Variants in SPOCK3 observed in about 807,000 individuals in gnomAD.
The protein encoded by SPOCK3 is testican-3.
SPOCK3 carries 30 observed loss-of-function variants against 56.6 expected under a neutral mutation model. That is an observed-to-expected ratio of 0.53 (90% confidence interval 0.40 to 0.72). The LOEUF is 0.72. SPOCK3 is among the 30% of genes least tolerant of loss of function. The pLI is 0.00. For synonymous variants in SPOCK3, 196 were observed against 183.3 expected, an observed-to-expected ratio of 1.07 and a Z score of -0.56; for missense variants, 527 against 530.0, an observed-to-expected ratio of 0.99 and a Z score of 0.06.
intron 2 of SPOCK3, among the ~76,000 whole-genome samples, chr4:167,126,765 C>G (rs562989292): frequency 6.6e-6 from 1 of 152,104 alleles, no homozygotes; most frequent in Non-Finnish European, 1.5e-5. Flanking sequence ...AAACCACATA[C>G]GCAGTAACAC....
intron 2 of SPOCK3, among the ~76,000 whole-genome samples, chr4:167,100,071 T>G (rs1759502639): frequency 6.6e-6 from 1 of 152,186 alleles, no homozygotes; most frequent in African/African-American, 2.4e-5. Flanking sequence ...CTTGGATCAC[T>G]AAGACATGTC....
intron 6 of SPOCK3, among the ~76,000 whole-genome samples, chr4:166,872,918 C>T (rs560673951): frequency 4.6e-5 from 7 of 152,090 alleles, no homozygotes; most frequent in South Asian, 4.2e-4. Context: ...ATGTGTAAAG[C>T]GATCACCTGG....
At chr4:167,109,428 TATG>T (rs1240071291) in intron 2 of SPOCK3, among the ~76,000 whole-genome samples, 49 of 102,930 alleles carry the variant, frequency 4.8e-4, no homozygotes, top group African/African-American at 1.9e-3. Flanking sequence ...TAAATATATA[TATG>T]ATAAATATAT....
chr4:166,981,298 G>A (rs1220112223), intron 4 of SPOCK3, among the ~76,000 whole-genome samples: 1 of 152,004 alleles, frequency 6.6e-6, no homozygotes, highest in African/African-American at 2.4e-5. Context: ...GAGAATGGAA[G>A]CTCCTATCCA....
chr4:166,850,198 T>C (rs957414250), intron 6 of SPOCK3, among the ~76,000 whole-genome samples: 1 of 152,214 alleles, frequency 6.6e-6, no homozygotes, highest in Non-Finnish European at 1.5e-5. Flanking sequence ...TACATTCCCA[T>C]CAACTGTACA....
intron 8 of SPOCK3, among the ~76,000 whole-genome samples, chr4:166,752,420 T>C (rs1736493119): frequency 1.3e-5 from 2 of 152,208 alleles, no homozygotes; most frequent in South Asian, 4.2e-4. Flanking sequence ...TCCAGTTGTT[T>C]TTCCACACTA....
chr4:166,890,972 C>G (rs899807793), intron 5 of SPOCK3, among the ~76,000 whole-genome samples: 14 of 151,960 alleles, frequency 9.2e-5, no homozygotes, highest in African/African-American at 3.4e-4. Context: ...GATAGTAGCT[C>G]TTCTTGTTGC....
At chr4:166,753,986 C>T (rs1270161198) in intron 8 of SPOCK3, 9 of 575,192 alleles carry the variant, frequency 1.6e-5, no homozygotes, top group Non-Finnish European at 2.0e-5. Flanking sequence ...ACTTTTTCTG[C>T]TAGTGAATTT....
chr4:167,219,503 G>A (rs996837705), intron 2 of SPOCK3, among the ~76,000 whole-genome samples: 1 of 152,146 alleles, frequency 6.6e-6, no homozygotes, highest in Non-Finnish European at 1.5e-5. Flanking sequence ...GGCGCACAAT[G>A]TCTTGCAATG....
In SPOCK3 at chr4:167,000,415, T is replaced by A. The variant is rs760610683; in HGVS notation, c.284A>T (p.His95Leu). The change falls in exon 4 of 11, where the codon CAT becomes CTT. Residue 95 changes from histidine (H) to leucine (L), a missense_variant. Physicochemically the swap from His to Leu is moderately conservative, Grantham distance 99. Transcript: ENST00000357545. ...DPCLKMKCSR[H>L]KVCIAQDSQT... ...AGAATCTTGAGCAATGCATACTTTA[T>A]GGCGACTACATTTCATCTTTAAGCA... 3.7e-6 allele frequency: 6 copies of A among 1,609,392 alleles called. No homozygotes were observed. The African/African-American group carries it at 8.0e-5, about 22-fold the overall frequency.
intron 6 of SPOCK3, among the ~76,000 whole-genome samples, chr4:166,866,700 A>G (rs1206835587): frequency 6.6e-6 from 1 of 152,110 alleles, no homozygotes; most frequent in Admixed American, 6.6e-5. Flanking sequence ...AGTCTGGTTG[A>G]CAACTTTTAT....
At chr4:166,763,673 T>C (rs1737553665) in intron 7 of SPOCK3, among the ~76,000 whole-genome samples, 1 of 151,630 alleles carries the variant, frequency 6.6e-6, no homozygotes, top group African/African-American at 2.4e-5. Context: ...GAGGGTAGTG[T>C]ACTCTGGTAA....
chr4:167,189,347 C>T (rs1331665858), intron 2 of SPOCK3, among the ~76,000 whole-genome samples: 3 of 145,702 alleles, frequency 2.1e-5, no homozygotes. Flanking sequence ...TTTGTCAGCT[C>T]ATTACAAATG....
intron 3 of SPOCK3, among the ~76,000 whole-genome samples, chr4:167,042,772 G>C (rs1753343805): frequency 6.6e-6 from 1 of 152,072 alleles, no homozygotes; most frequent in Admixed American, 6.6e-5. Flanking sequence ...AGAATTTTTA[G>C]ATAAAATAGA....
intron 2 of SPOCK3, among the ~76,000 whole-genome samples, chr4:167,127,094 T>C (rs537564566): frequency 6.6e-6 from 1 of 152,296 alleles, no homozygotes; most frequent in South Asian, 2.1e-4. Flanking sequence ...GACTGATTGA[T>C]TGATATTTTA....
intron 3 of SPOCK3, among the ~76,000 whole-genome samples, chr4:167,033,063 T>C (rs1752420980): frequency 6.6e-6 from 1 of 152,020 alleles, no homozygotes; most frequent in South Asian, 2.1e-4. Context: ...TGTGATTTAA[T>C]TTAGTTCAGA....
At chr4:166,844,640 A>G (rs1747862591) in intron 6 of SPOCK3, among the ~76,000 whole-genome samples, 2 of 151,508 alleles carry the variant, frequency 1.3e-5, no homozygotes, top group Non-Finnish European at 1.5e-5. Context: ...CTGTCTGTCT[A>G]TCTGTCTCTT....
chr4:167,018,642 A>G (rs542476030), intron 3 of SPOCK3, among the ~76,000 whole-genome samples: 2 of 152,034 alleles, frequency 1.3e-5, no homozygotes, highest in East Asian at 3.9e-4. Flanking sequence ...TGTCTTCTGG[A>G]TAGGTCATTT....
At chr4:166,950,085 A>G (rs1406615263) in intron 4 of SPOCK3, among the ~76,000 whole-genome samples, 3 of 150,892 alleles carry the variant, frequency 2.0e-5, no homozygotes, top group African/African-American at 7.4e-5. Flanking sequence ...ACACATAACA[A>G]TATTAATTTT....
Sources: allele counts gnomAD v4.1 joint callset (sites outside exome capture counted in the v4.1 genomes callset), GRCh38; gene constraint gnomAD v4.1.1; transcripts MANE v1.5; gene names NCBI Gene and HGNC (gene_info 2026-07-23, HGNC 2026-07-21).